The following GUCY1B1 variants were observed in gnomAD, a reference collection of about 807,000 sequenced individuals.
GUCY1B1 encodes the protein guanylate cyclase 1 soluble subunit beta 1.
Under a neutral mutation model 71.0 loss-of-function variants are expected in GUCY1B1, and 43 were observed. That is an observed-to-expected ratio of 0.61 (90% CI 0.47 to 0.78). The LOEUF is 0.78. GUCY1B1 is among the 30% of genes least tolerant of loss of function. The probability of loss-of-function intolerance (pLI) is 0.00; values close to 1 mark genes in which losing one functional copy is unlikely to be tolerated. For synonymous variants in GUCY1B1, 266 were observed against 259.7 expected (o/e 1.02, Z -0.23); for missense variants, 535 against 754.1 (o/e 0.71, Z 3.40).
At chr4:155,783,392 G>A (rs1738565403) in intron 4 of GUCY1B1, among the ~76,000 whole-genome samples, 1 of 152,084 alleles carries the variant, frequency 6.6e-6, no homozygotes, top group Non-Finnish European at 1.5e-5. Context: ...AAATATACGT[G>A]GGCAAATGCA....
At position 155,786,291 on chromosome 4, in the gene GUCY1B1, TG is replaced by T. The variant is rs1255762116; in HGVS notation, c.298-3422del. 5.1e-5 allele frequency among the ~76,000 whole-genome samples: 7 copies of T among 137,930 alleles called. No homozygotes were observed. The East Asian group carries it at 1.2e-3, about 24-fold the overall frequency. 90.5% of individuals were successfully genotyped at this position (137,930 alleles called of 152,430 possible). The stretch of plus-strand genomic sequence containing the variant: ...ATTTCCTTTTTTTTTTTTTTTTTTT[TG>T]AGGCAGAATCTCACTGTGTCGCCCA... On this transcript the variant is annotated intron_variant, in intron 4 of 13. Coordinates refer to ENST00000264424, the MANE Select transcript of GUCY1B1 (RefSeq NM_000857.5).
chr4:155,804,546 A>T (rs957581426), intron 11 of GUCY1B1, 47 bp from the exon 12 acceptor site: 24 of 1,485,488 alleles, frequency 1.6e-5, no homozygotes, highest in Non-Finnish European at 1.9e-5. Context: ...AAAAAAATTC[A>T]TGTGTTAGTG....
intron 4 of GUCY1B1, among the ~76,000 whole-genome samples, chr4:155,789,252 T>A (rs1232580752): frequency 1.3e-5 from 2 of 152,246 alleles, no homozygotes; most frequent in African/African-American, 4.8e-5. Flanking sequence ...ATGTTTTATA[T>A]GCTTATAATT....
At chr4:155,798,160 T>G (rs1314475635) in intron 8 of GUCY1B1, among the ~76,000 whole-genome samples, 1 of 152,230 alleles carries the variant, frequency 6.6e-6, no homozygotes, top group Non-Finnish European at 1.5e-5. Context: ...CAGATTGTCC[T>G]ATGAGACATG....
At chr4:155,780,797 A>G (rs1296829288) in intron 4 of GUCY1B1, among the ~76,000 whole-genome samples, 3 of 152,160 alleles carry the variant, frequency 2.0e-5, no homozygotes, top group Non-Finnish European at 4.4e-5. Flanking sequence ...CATACACTAG[A>G]CCAATTTCCT....
chr4:155,795,426 A>G lies in GUCY1B1; in HGVS notation c.812A>G (p.His271Arg). 1 of 1,572,870 alleles carries G rather than the reference A, an allele frequency of 6.4e-7. No individual in the cohort carries two copies. The highest frequency in any genetic ancestry group is 1.1e-5 in the South Asian group (1 of 90,118). Residue 271 changes from histidine to arginine, a missense_variant, in exon 7 of 14, where the codon CAC becomes CGC. Transcript: ENST00000264424. ...ATTAGTTTCCATGGGATCCTTTCTC[A>G]CATCAATACTGTTTTTGTATTGAGA... ...IDISFHGILS[H>R]INTVFVLRSK...
intron 1 of GUCY1B1, 76 bp from the exon 2 acceptor site, chr4:155,759,711 G>A: frequency 9.6e-7 from 1 of 1,039,556 alleles, no homozygotes; most frequent in South Asian, 1.3e-5. Flanking sequence ...TGGGAGCAGA[G>A]GCAGCAGCCT....
intron 1 of GUCY1B1, 169 bp from the exon 2 acceptor site, chr4:155,759,618 G>GC (rs907241483): frequency 9.1e-6 from 5 of 548,442 alleles, no homozygotes; most frequent in African/African-American, 6.0e-5. Context: ...GGGGGGTTGC[G>GC]CCCCCACGAT....
intron 2 of GUCY1B1, among the ~76,000 whole-genome samples, chr4:155,770,146 G>A (rs1737601863): frequency 6.6e-6 from 1 of 152,116 alleles, no homozygotes; most frequent in African/African-American, 2.4e-5. Context: ...AATATTACTT[G>A]AATTATGTAA....
intron 8 of GUCY1B1, among the ~76,000 whole-genome samples, 192 bp downstream of exon 8, chr4:155,796,702 A>G (rs2111145475): frequency 6.6e-6 from 1 of 152,324 alleles, no homozygotes; most frequent in Middle Eastern, 3.4e-3. Context: ...AGAAGAAATC[A>G]CATACTCTAT....
intron 4 of GUCY1B1, among the ~76,000 whole-genome samples, chr4:155,778,610 T>C (rs543212753): frequency 6.6e-6 from 1 of 152,348 alleles, no homozygotes; most frequent in Non-Finnish European, 1.5e-5. Context: ...ATTTTTCTTA[T>C]AAACTTAAAA....
chr4:155,774,953 G>T lies in GUCY1B1; in HGVS notation c.78-15G>T. ...TCAACTTTTCTCTTCTGTCTTTCTTGTTTTTGTTTTCCAGAAAAGAGGCAC... is the reference window on the plus strand; with the variant it reads ...TCAACTTTTCTCTTCTGTCTTTCTTTTTTTTGTTTTCCAGAAAAGAGGCAC... On this transcript the variant is annotated splice_polypyrimidine_tract_variant and intron_variant, in intron 2 of 13. Coordinates refer to ENST00000264424, the MANE Select transcript of GUCY1B1 (RefSeq NM_000857.5). 2 of 1,352,510 alleles carry T rather than the reference G, an allele frequency of 1.5e-6. No individual in the cohort carries two copies. The highest frequency in any genetic ancestry group is 1.4e-5 in the African/African-American group (1 of 70,030). The allele number at this position is 1,352,510 out of a possible 1,614,324, so 83.8% of individuals were successfully genotyped here. A position where few individuals can be genotyped will look rare whatever the true frequency, so the allele number is the denominator to read the frequency against.
At chr4:155,801,088 C>T (rs1368638856) in intron 9 of GUCY1B1, among the ~76,000 whole-genome samples, 2 of 152,180 alleles carry the variant, frequency 1.3e-5, no homozygotes, top group African/African-American at 4.8e-5. Flanking sequence ...TCTTAATTCA[C>T]TTCTTTTCCT....
At position 155,804,744 on chromosome 4, in the gene GUCY1B1, A is replaced by T; in HGVS notation, c.1706A>T (p.Tyr569Phe). The stretch of plus-strand genomic sequence containing the variant: ...AAAATAAATGTGTCTGAATATACAT[A>T]CAGGTGAGAGAAAATGTCTTGGTAT... ...KGKINVSEYT[Y>F]RCLMSPENSD... Residue 569 changes from tyrosine (Y) to phenylalanine (F), a missense_variant, in exon 12 of 14, where the codon TAC becomes TTC. By Grantham distance (22) the Tyr-to-Phe change is conservative. Transcript: ENST00000264424. 1.2e-6 allele frequency: 2 copies of T among 1,611,132 alleles called. No homozygotes were observed. The highest frequency in any genetic ancestry group is 1.7e-6 in the Non-Finnish European group (2 of 1,177,984).
intron 2 of GUCY1B1, among the ~76,000 whole-genome samples, chr4:155,771,793 C>A (rs1737710450): frequency 6.6e-6 from 1 of 152,140 alleles, no homozygotes; most frequent in African/African-American, 2.4e-5. Flanking sequence ...AAACATCTAA[C>A]TACCTACCAA....
Position 155,782,711 on chromosome 4 carries a change from G to T in GUCY1B1, c.297+5069G>T, listed in dbSNP as rs191456091. Among the ~76,000 whole-genome samples, 348 of 152,262 alleles carry T rather than the reference G, an allele frequency of 2.3e-3. 5 individuals are homozygous for T. Among genetic ancestry groups the T allele is most frequent in the Non-Finnish European group, 7.2e-4 (49 of 68,024 alleles). On this transcript the variant is annotated intron_variant, in intron 4 of 13. Transcript: ENST00000264424. Reference sequence around the variant, plus strand: ...GTGACTATTTAACCAATCGAATGGGGCAGAAGTGAGATATTTAAACTTCCT... The same window carrying T: ...GTGACTATTTAACCAATCGAATGGGTCAGAAGTGAGATATTTAAACTTCCT...
chr4:155,803,549 T>C (rs1740099822), intron 10 of GUCY1B1, 75 bp from the exon 11 acceptor site: 3 of 1,045,214 alleles, frequency 2.9e-6, no homozygotes, highest in Middle Eastern at 2.2e-4. Flanking sequence ...TGAAAAAATA[T>C]GTTTTTTGTT....
In GUCY1B1 at chr4:155,802,693, C is replaced by A; in HGVS notation, c.1413+114C>A. ...GACTCCAGCACTGCAGCCTTGAGTA[C>A]AGTGAGCCTCCATGTATTCACTCTT... is the stretch of plus-strand genomic sequence containing the variant. On this transcript the variant is annotated intron_variant, in intron 10 of 13. Coordinates refer to ENST00000264424, the MANE Select transcript of GUCY1B1 (RefSeq NM_000857.5). This position sits in a 1 kb window ranked among gnomAD's most constrained non-coding sequence, Gnocchi z 4.3. 1.2e-6 allele frequency: 1 copy of A among 813,660 alleles called. No individual in the cohort carries two copies. Among genetic ancestry groups the A allele is most frequent in the Non-Finnish European group, 1.9e-6 (1 of 521,442 alleles). The allele number at this position is 813,660 out of a possible 1,614,324, so 50.4% of individuals were successfully genotyped here. A position where few individuals can be genotyped will look rare whatever the true frequency, so the allele number is the denominator to read the frequency against.
At chr4:155,772,602 G>T (rs1737770370) in intron 2 of GUCY1B1, 2 of 642,786 alleles carry the variant, frequency 3.1e-6, no homozygotes, top group South Asian at 1.7e-5. Flanking sequence ...TTATTTCTAG[G>T]AGAGAAGAGG....
Sources: allele counts gnomAD v4.1 joint callset (sites outside exome capture counted in the v4.1 genomes callset), GRCh38; gene constraint gnomAD v4.1.1; non-coding constraint Gnocchi (gnomAD v3.1); transcripts MANE v1.5; gene names NCBI Gene and HGNC (gene_info 2026-07-23, HGNC 2026-07-21).